BMPR1A: variants seen among roughly 807,000 people sequenced by gnomAD.
BMPR1A encodes the protein bone morphogenetic protein receptor type 1A.
BMPR1A carries 7 observed loss-of-function variants against 66.0 expected under a neutral mutation model. The ratio of observed to expected loss-of-function variants is 0.11; its 90% confidence interval spans 0.06 to 0.20. The LOEUF (loss-of-function observed/expected upper bound fraction) is 0.20, where lower values mean the gene tolerates loss of function less well. BMPR1A is among the 10% of genes least tolerant of loss of function. The probability of loss-of-function intolerance (pLI) is 1.00; values close to 1 mark genes in which losing one functional copy is unlikely to be tolerated. For missense variants in BMPR1A, 408 were observed against 669.1 expected (o/e 0.61, Z 4.31); for synonymous variants, 200 against 229.7 (o/e 0.87, Z 1.17).
At chr10:86,874,245 TTCAC>T (rs1377491690) in intron 2 of BMPR1A, among the ~76,000 whole-genome samples, 7 of 152,200 alleles carry the variant, frequency 4.6e-5, no homozygotes, top group African/African-American at 1.7e-4. Context: ...CATTTAAAAG[TTCAC>T]TGTCTATATT....
At chr10:86,830,757 T>C (rs1432630230) in intron 1 of BMPR1A, among the ~76,000 whole-genome samples, 1 of 152,206 alleles carries the variant, frequency 6.6e-6, no homozygotes, top group Admixed American at 6.5e-5. Context: ...AAATATATTT[T>C]CCTAGCCTGT....
At chr10:86,768,251 A>T (rs937564759) in intron 1 of BMPR1A, among the ~76,000 whole-genome samples, 2 of 152,214 alleles carry the variant, frequency 1.3e-5, no homozygotes, top group Non-Finnish European at 2.9e-5. Flanking sequence ...TTTTTCTAAG[A>T]ATAAATATAA....
At chr10:86,911,942 A>G (rs1364924423) in intron 7 of BMPR1A, among the ~76,000 whole-genome samples, 1 of 152,190 alleles carries the variant, frequency 6.6e-6, no homozygotes, top group Non-Finnish European at 1.5e-5. Context: ...AAGGAAATGT[A>G]TATTGTGATT....
intron 1 of BMPR1A, among the ~76,000 whole-genome samples, chr10:86,778,294 AT>A (rs1841384530): frequency 6.6e-6 from 1 of 151,704 alleles, no homozygotes; most frequent in African/African-American, 2.4e-5. Context: ...GTTTTATTTA[AT>A]TTTTTTATTT....
At chr10:86,829,811 G>C (rs1426614196) in intron 1 of BMPR1A, among the ~76,000 whole-genome samples, 1 of 152,130 alleles carries the variant, frequency 6.6e-6, no homozygotes, top group Non-Finnish European at 1.5e-5. Context: ...CCTTTTGAAA[G>C]ATAATCTCTT....
chr10:86,837,253 G>A (rs112156605), intron 1 of BMPR1A, among the ~76,000 whole-genome samples: 1 of 134,328 alleles, frequency 7.4e-6, no homozygotes, highest in Non-Finnish European at 1.7e-5. Flanking sequence ...GTGTCTGTGT[G>A]TGTGTGTGTG....
chr10:86,768,976 C>G (rs943493518), intron 1 of BMPR1A, among the ~76,000 whole-genome samples: 8 of 152,186 alleles, frequency 5.3e-5, no homozygotes, highest in African/African-American at 1.9e-4. Flanking sequence ...ATGAGTATTT[C>G]TGAGAGAAAT....
At chr10:86,847,811 ACCCTCCTTG>A (rs531746167) in intron 2 of BMPR1A, among the ~76,000 whole-genome samples, 206 of 148,550 alleles carry the variant, frequency 1.4e-3, no homozygotes, top group African/African-American at 4.9e-3. Flanking sequence ...CCTCCTCACC[ACCCTCCTTG>A]CCCTCCATCC....
At chr10:86,912,704 A>G (rs554050645) in intron 8 of BMPR1A, among the ~76,000 whole-genome samples, 2 of 152,308 alleles carry the variant, frequency 1.3e-5, no homozygotes, top group Admixed American at 6.5e-5. Flanking sequence ...TGCTCTAAGC[A>G]TTTTACCAGC....
intron 1 of BMPR1A, among the ~76,000 whole-genome samples, chr10:86,796,018 A>AGC (rs1273486575): frequency 6.6e-6 from 1 of 152,172 alleles, no homozygotes; most frequent in Non-Finnish European, 1.5e-5. Context: ...AAGTCCCCAA[A>AGC]GCAGTTACAA....
At chr10:86,765,352 G>A (rs534930353) in intron 1 of BMPR1A, among the ~76,000 whole-genome samples, 1 of 151,708 alleles carries the variant, frequency 6.6e-6, no homozygotes, top group South Asian at 2.1e-4. Flanking sequence ...CGGGTGTGGT[G>A]GCACGCCTGT....
intron 2 of BMPR1A, among the ~76,000 whole-genome samples, chr10:86,862,182 A>G (rs1589751002): frequency 2.6e-5 from 4 of 152,232 alleles, no homozygotes; most frequent in Non-Finnish European, 5.9e-5. Context: ...AGAGAAAGAA[A>G]CAGCCAGAAA....
At chr10:86,892,695 T>C (rs1295497259) in intron 5 of BMPR1A, among the ~76,000 whole-genome samples, 2 of 152,006 alleles carry the variant, frequency 1.3e-5, no homozygotes, top group East Asian at 3.9e-4. Context: ...CGCAAAGTGC[T>C]GGGATTACAG....
At chr10:86,773,851 A>AT (rs1464742545) in intron 1 of BMPR1A, among the ~76,000 whole-genome samples, 1 of 136,182 alleles carries the variant, frequency 7.3e-6, no homozygotes, top group African/African-American at 2.5e-5. Flanking sequence ...CATGTATTTC[A>AT]TTCTTTTTTT....
At chr10:86,902,934 A>C (rs1278349539) in intron 7 of BMPR1A, among the ~76,000 whole-genome samples, 2 of 152,206 alleles carry the variant, frequency 1.3e-5, no homozygotes, top group Admixed American at 1.3e-4. Context: ...TGAAAACCCC[A>C]TAATTCATAG....
intron 2 of BMPR1A, among the ~76,000 whole-genome samples, chr10:86,865,442 A>C (rs530685751): frequency 1.3e-5 from 2 of 152,178 alleles, no homozygotes; most frequent in South Asian, 4.1e-4. Flanking sequence ...CTTTGACTGT[A>C]ATTTTCCTTT....
At chr10:86,846,791 C>T (rs1842491136) in intron 2 of BMPR1A, among the ~76,000 whole-genome samples, 1 of 152,124 alleles carries the variant, frequency 6.6e-6, no homozygotes, top group Non-Finnish European at 1.5e-5. Context: ...AAATGTCATC[C>T]AGGTCTCGCT....
chr10:86,925,185 T>C lies in BMPR1A; in HGVS notation c.*1466T>C, dbSNP rs1843722364. 4.3e-6 allele frequency: 1 copy of C among 230,848 alleles called. No individual in the cohort carries two copies. The highest frequency in any genetic ancestry group is 1.8e-4 in the South Asian group (1 of 5,518). The allele number at this position is 230,848 out of a possible 1,614,324, so 14.3% of individuals were successfully genotyped here. A position where few individuals can be genotyped will look rare whatever the true frequency, so the allele number is the denominator to read the frequency against. ...CTTCAATAAAATGGTTCATATTTTA[T>C]AGATGCCTTGTTATCTCAAGAAATC... On this transcript the variant is annotated 3_prime_UTR_variant, in exon 13 of 13. Coordinates refer to ENST00000372037, the MANE Select transcript of BMPR1A (RefSeq NM_004329.3).
chr10:86,852,104 TA>T (rs1842575382), intron 2 of BMPR1A, among the ~76,000 whole-genome samples: 1 of 148,332 alleles, frequency 6.7e-6, no homozygotes, highest in Non-Finnish European at 1.5e-5. Flanking sequence ...AAGTCTGAAA[TA>T]CCCCTCACAA....
Sources: gnomAD v4.1 joint callset for allele counts (sites outside exome capture counted in the v4.1 genomes callset) on GRCh38, gnomAD v4.1.1 for gene constraint, MANE v1.5 for transcripts, NCBI Gene and HGNC (gene_info 2026-07-23, HGNC 2026-07-21) for gene names.